INPP4B: variants seen among roughly 807,000 people sequenced by gnomAD.
INPP4B encodes inositol polyphosphate-4-phosphatase type II B.
A neutral mutation model predicts 122.5 loss-of-function variants in INPP4B; 55 were observed. That is an observed-to-expected ratio of 0.45 (90% confidence interval 0.36 to 0.56). The LOEUF is 0.56. Ranked by LOEUF, INPP4B falls within the 20% of genes least tolerant of loss-of-function variation. INPP4B has a pLI of 0.00. For missense variants in INPP4B, 1,000 were observed against 1,097.7 expected (o/e 0.91, Z 1.26); for synonymous variants, 403 against 388.7 (o/e 1.04, Z -0.43).
chr4:142,029,286 C>T (rs920563559), intron 25 of INPP4B: 4 of 987,890 alleles, frequency 4.0e-6, no homozygotes, highest in Admixed American at 6.0e-5. Context: ...CTATATGTAG[C>T]CCTAAGGATG....
chr4:142,393,575 A>T (rs964870010), intron 7 of INPP4B, among the ~76,000 whole-genome samples: 5 of 152,250 alleles, frequency 3.3e-5, no homozygotes, highest in Non-Finnish European at 7.3e-5. Flanking sequence ...GAAAGTGACC[A>T]AAAAGGAGGA....
intron 7 of INPP4B, among the ~76,000 whole-genome samples, chr4:142,321,907 T>C (rs1206884867): frequency 6.6e-6 from 1 of 152,172 alleles, no homozygotes; most frequent in Non-Finnish European, 1.5e-5. Flanking sequence ...ATTTTGGATT[T>C]ATTTAGTATA....
intron 7 of INPP4B, among the ~76,000 whole-genome samples, chr4:142,335,334 C>T (rs1409710682): frequency 6.6e-6 from 1 of 152,110 alleles, no homozygotes; most frequent in Non-Finnish European, 1.5e-5. Flanking sequence ...TGCTTTTCTT[C>T]TCTAACGTCA....
At chr4:142,518,786 C>A (rs1825731528) in intron 2 of INPP4B, 1 of 152,240 alleles carries the variant, frequency 6.6e-6, no homozygotes, top group Admixed American at 6.5e-5. Context: ...CCAGCGTCAA[C>A]TGCCCATCAC....
At chr4:142,343,864 T>C (rs1779454124) in intron 7 of INPP4B, among the ~76,000 whole-genome samples, 1 of 152,088 alleles carries the variant, frequency 6.6e-6, no homozygotes, top group Non-Finnish European at 1.5e-5. Flanking sequence ...TCAGAAGTGA[T>C]AATATATGTG....
At chr4:142,123,457 C>A in intron 19 of INPP4B, 42 bp from the exon 20 acceptor site, 1 of 1,588,512 alleles carries the variant, frequency 6.3e-7, no homozygotes, top group Non-Finnish European at 8.6e-7. Flanking sequence ...AGTTAGCAAA[C>A]GTATTTGTTT....
intron 3 of INPP4B, among the ~76,000 whole-genome samples, chr4:142,451,569 A>G (rs920282349): frequency 6.6e-6 from 1 of 151,984 alleles, no homozygotes; most frequent in Non-Finnish European, 1.5e-5. Context: ...GTTTCTAATG[A>G]TTGGATACAT....
chr4:142,831,005 G>A (rs1229406193), intron 1 of INPP4B, among the ~76,000 whole-genome samples: 1 of 151,806 alleles, frequency 6.6e-6, no homozygotes, highest in Non-Finnish European at 1.5e-5. Context: ...CTGGGTGACA[G>A]AGTGAGACCC....
intron 18 of INPP4B, among the ~76,000 whole-genome samples, chr4:142,134,781 G>C (rs1312831795): frequency 2.8e-5 from 3 of 107,774 alleles, no homozygotes; most frequent in African/African-American, 1.2e-4. Flanking sequence ...TGGGCAACAA[G>C]AGCGAAACTC....
chr4:142,476,753 C>G (rs1410136013), intron 2 of INPP4B, among the ~76,000 whole-genome samples: 1 of 152,032 alleles, frequency 6.6e-6, no homozygotes, highest in Non-Finnish European at 1.5e-5. Context: ...AACAAAAAGA[C>G]CTAACTATCC....
At chr4:142,599,998 G>C (rs1437328194) in intron 2 of INPP4B, among the ~76,000 whole-genome samples, 1 of 151,870 alleles carries the variant, frequency 6.6e-6, no homozygotes, top group East Asian at 1.9e-4. Context: ...TAAAAAGAAT[G>C]AACAAAGTCC....
In INPP4B at chr4:142,106,993, AAT is replaced by A. The variant is rs774536900; in HGVS notation, c.2374+1098_2374+1099del. ...TTTTTTTCATTAATTGCTAAAGAAA[AAT>A]AGTTTTACTTACATTATTAACTTTT... On this transcript the variant is annotated intron_variant, in intron 23 of 25. Transcript: ENST00000262992. Among the ~76,000 whole-genome samples the A allele has an allele frequency of 3.7e-4, 56 of 152,284 alleles. 1 individual carries two copies. The East Asian group carries it at 8.7e-3, about 24-fold the overall frequency.
chr4:142,088,552 C>T (rs1236685404), intron 23 of INPP4B, among the ~76,000 whole-genome samples: 1 of 152,074 alleles, frequency 6.6e-6, no homozygotes, highest in Non-Finnish European at 1.5e-5. Flanking sequence ...ATGTTGGCTT[C>T]TCTTGGCATA....
chr4:142,624,295 G>T (rs1296280017), intron 2 of INPP4B, among the ~76,000 whole-genome samples: 9 of 151,618 alleles, frequency 5.9e-5, no homozygotes, highest in Non-Finnish European at 1.3e-4. Context: ...TTGTGGTTTT[G>T]ATTTGCATTT....
chr4:142,041,064 TA>T (rs1354381474), intron 25 of INPP4B, among the ~76,000 whole-genome samples: 1 of 152,028 alleles, frequency 6.6e-6, no homozygotes, highest in East Asian at 1.9e-4. Flanking sequence ...CAAATAAAAA[TA>T]AAAGTCCACA....
At chr4:142,350,595 C>A (rs2151802751) in intron 7 of INPP4B, among the ~76,000 whole-genome samples, 1 of 152,050 alleles carries the variant, frequency 6.6e-6, no homozygotes, top group Non-Finnish European at 1.5e-5. Flanking sequence ...GAGCCTCAAC[C>A]AAAAGGCCTC....
rs188560566 is a variant in INPP4B, at chr4:142,696,504, C to A, written c.-191+29335G>T. 4.1e-3 allele frequency among the ~76,000 whole-genome samples: 619 copies of A among 152,282 alleles called. 6 individuals carry two copies. The highest frequency in any genetic ancestry group is 0.014 in the African/African-American group (596 of 41,558). On this transcript the variant is annotated intron_variant, in intron 2 of 25. Transcript: ENST00000262992. ...TCTGTGGTACAGATACTCCCTTTCCCCACCCCAGCCCTGACATCTGTCTCC... is the reference window on the plus strand; with the variant it reads ...TCTGTGGTACAGATACTCCCTTTCCACACCCCAGCCCTGACATCTGTCTCC...
intron 12 of INPP4B, among the ~76,000 whole-genome samples, chr4:142,225,810 C>A (rs1851293221): frequency 6.6e-6 from 1 of 152,044 alleles, no homozygotes; most frequent in South Asian, 2.1e-4. Context: ...TGAAATATTT[C>A]TAGGTGTTAC....
intron 2 of INPP4B, among the ~76,000 whole-genome samples, chr4:142,606,205 T>A (rs1560857001): frequency 6.6e-6 from 1 of 151,518 alleles, no homozygotes. Flanking sequence ...TTTAATCTCA[T>A]AGACATGGAG....
Sources: allele counts gnomAD v4.1 joint callset (sites outside exome capture counted in the v4.1 genomes callset), GRCh38; gene constraint gnomAD v4.1.1; transcripts MANE v1.5; gene names NCBI Gene and HGNC (gene_info 2026-07-23, HGNC 2026-07-21).